The following BRINP3 variants were observed in gnomAD, a reference collection of about 807,000 sequenced individuals.
The protein encoded by BRINP3 is BMP/retinoic acid-inducible neural-specific protein 3.
Under a neutral mutation model 71.0 loss-of-function variants are expected in BRINP3, and 19 were observed. The ratio of observed to expected loss-of-function variants is 0.27; its 90% confidence interval spans 0.19 to 0.39. BRINP3 has a LOEUF of 0.39. BRINP3 is among the 10% of genes least tolerant of loss of function. The pLI is 1.00. For synonymous variants in BRINP3, 380 were observed against 337.7 expected (o/e 1.13, Z -1.37); for missense variants, 959 against 940.8 (o/e 1.02, Z -0.25).
intron 2 of BRINP3, among the ~76,000 whole-genome samples, chr1:190,366,091 C>G (rs1669480534): frequency 6.7e-6 from 1 of 148,552 alleles, no homozygotes; most frequent in African/African-American, 2.5e-5. Flanking sequence ...AGGATCAGAT[C>G]GAATAATTGG....
chr1:190,102,071 C>G (rs1405481635), intron 7 of BRINP3, among the ~76,000 whole-genome samples: 3 of 152,096 alleles, frequency 2.0e-5, no homozygotes, highest in African/African-American at 7.2e-5. Context: ...TTACTTGCTC[C>G]TTTGCGTCCT....
chr1:190,424,128 T>C (rs553845058), intron 2 of BRINP3, among the ~76,000 whole-genome samples: 50 of 151,846 alleles, frequency 3.3e-4, no homozygotes, highest in Middle Eastern at 6.8e-3. Context: ...TTTTTGAATA[T>C]AGATTAAGAA....
At chr1:190,122,112 T>C (rs1272774538) in intron 7 of BRINP3, among the ~76,000 whole-genome samples, 1 of 152,186 alleles carries the variant, frequency 6.6e-6, no homozygotes, top group Non-Finnish European at 1.5e-5. Flanking sequence ...CCATCAACTT[T>C]AATTTGGTAT....
intron 6 of BRINP3, among the ~76,000 whole-genome samples, chr1:190,213,941 C>A (rs544716650): frequency 1.3e-5 from 2 of 152,042 alleles, no homozygotes; most frequent in East Asian, 3.9e-4. Context: ...GTGTGAGTCC[C>A]AGTGTTTGGG....
chr1:190,354,887 AT>A (rs1201273147), intron 2 of BRINP3, among the ~76,000 whole-genome samples: 2 of 151,380 alleles, frequency 1.3e-5, no homozygotes, highest in Non-Finnish European at 3.0e-5. Flanking sequence ...AAATTTGACA[AT>A]TTTTCCCATT....
At chr1:190,434,534 T>A (rs1247803228) in intron 2 of BRINP3, among the ~76,000 whole-genome samples, 1 of 152,060 alleles carries the variant, frequency 6.6e-6, no homozygotes, top group African/African-American at 2.4e-5. Context: ...TCTGTCTATT[T>A]AGGTTATAAT....
intron 2 of BRINP3, among the ~76,000 whole-genome samples, chr1:190,441,956 G>A (rs1272315696): frequency 6.6e-6 from 1 of 152,010 alleles, no homozygotes; most frequent in Non-Finnish European, 1.5e-5. Flanking sequence ...TGCTATAAAT[G>A]GGAATTAGAA....
At chr1:190,104,575 A>G (rs1205605711) in intron 7 of BRINP3, among the ~76,000 whole-genome samples, 1 of 151,998 alleles carries the variant, frequency 6.6e-6, no homozygotes, top group Non-Finnish European at 1.5e-5. Flanking sequence ...GTATTACACT[A>G]TATACCTGTG....
At chr1:190,238,511 T>C (rs192526098) in intron 4 of BRINP3, among the ~76,000 whole-genome samples, 4 of 152,056 alleles carry the variant, frequency 2.6e-5, no homozygotes, top group Admixed American at 6.6e-5. Flanking sequence ...AAAAGATATA[T>C]AAACATCCAG....
chr1:190,354,005 T>C (rs1045243969), intron 2 of BRINP3, among the ~76,000 whole-genome samples: 1 of 151,902 alleles, frequency 6.6e-6, no homozygotes, highest in Non-Finnish European at 1.5e-5. Flanking sequence ...CACAACAAAG[T>C]CCAAATTTCT....
chr1:190,274,429 A>G (rs1662373599), intron 3 of BRINP3, among the ~76,000 whole-genome samples: 1 of 151,568 alleles, frequency 6.6e-6, no homozygotes, highest in South Asian at 2.1e-4. Flanking sequence ...TTACATTTGA[A>G]TATCTTACTC....
chr1:190,206,313 A>G (rs1655494302), intron 6 of BRINP3, among the ~76,000 whole-genome samples: 1 of 151,984 alleles, frequency 6.6e-6, no homozygotes, highest in African/African-American at 2.4e-5. Flanking sequence ...TATTTGTCCT[A>G]TTCTGCTAAA....
intron 4 of BRINP3, among the ~76,000 whole-genome samples, chr1:190,254,460 TTG>T (rs1280432623): frequency 6.6e-6 from 1 of 152,146 alleles, no homozygotes; most frequent in African/African-American, 2.4e-5. Context: ...GAGCAGTGGT[TTG>T]TAGTTCTCCT....
chr1:190,281,798 T>C lies in BRINP3; in HGVS notation c.237-48A>G. 3.2e-6 allele frequency: 5 copies of C among 1,540,938 alleles called. No homozygotes were observed. In the South Asian group the frequency reaches 6.2e-5, roughly 19 times the overall value. On this transcript the variant is annotated intron_variant, in intron 2 of 7. Coordinates refer to ENST00000367462, the MANE Select transcript of BRINP3 (RefSeq NM_199051.3). Reference sequence around the variant, plus strand: ...TTCATAAATGCATAATCTATCTGAATGTTTTCATTTGAGTTCACTTGGTAG... The same window carrying C: ...TTCATAAATGCATAATCTATCTGAACGTTTTCATTTGAGTTCACTTGGTAG...
chr1:190,223,636 C>T (rs903926905), intron 6 of BRINP3, among the ~76,000 whole-genome samples: 1 of 151,866 alleles, frequency 6.6e-6, no homozygotes, highest in African/African-American at 2.4e-5. Context: ...TGCTTACTTT[C>T]ACCACTTTTA....
chr1:190,421,316 A>ATTATT (rs149891626), intron 2 of BRINP3, among the ~76,000 whole-genome samples: 55,194 of 145,454 alleles, frequency 0.38, 11,097 homozygotes, highest in Non-Finnish European at 0.45. Context: ...TATTATTATT[A>ATTATT]TTATTATTAT....
intron 2 of BRINP3, among the ~76,000 whole-genome samples, chr1:190,321,516 G>A (rs1666243220): frequency 6.6e-6 from 1 of 151,994 alleles, no homozygotes; most frequent in Non-Finnish European, 1.5e-5. Context: ...AAAGTTTGTA[G>A]AACCAAGTCA....
At chr1:190,363,871 G>T (rs560838216) in intron 2 of BRINP3, among the ~76,000 whole-genome samples, 1 of 152,090 alleles carries the variant, frequency 6.6e-6, no homozygotes, top group African/African-American at 2.4e-5. Flanking sequence ...TGGATGTCCC[G>T]AATGATGGGC....
chr1:190,474,325 T>C (rs1677356094), intron 1 of BRINP3: 1 of 152,612 alleles, frequency 6.6e-6, no homozygotes. Flanking sequence ...ATGCATATAT[T>C]CCATTGCTTG....
Sources: gnomAD v4.1 joint callset for allele counts (sites outside exome capture counted in the v4.1 genomes callset) on GRCh38, gnomAD v4.1.1 for gene constraint, MANE v1.5 for transcripts, NCBI Gene and HGNC (gene_info 2026-07-23, HGNC 2026-07-21) for gene names.